Variants in TBL1XR1 observed in about 807,000 individuals in gnomAD.
TBL1XR1 encodes TBL1X/Y related 1, also known as F-box-like/WD repeat-containing protein TBL1XR1.
TBL1XR1 carries 5 observed loss-of-function variants against 66.9 expected under a neutral mutation model. That is an observed-to-expected ratio of 0.07 (90% CI 0.04 to 0.16). TBL1XR1 has a LOEUF of 0.16. Ranked by LOEUF, TBL1XR1 falls within the 10% of genes least tolerant of loss-of-function variation. TBL1XR1 has a pLI of 1.00. For missense variants in TBL1XR1, 238 were observed against 623.2 expected, an observed-to-expected ratio of 0.38 and a Z score of 6.58; for synonymous variants, 210 against 206.0, an observed-to-expected ratio of 1.02 and a Z score of -0.17.
chr3:177,200,956 G>A (rs927580023), upstream of TBL1XR1, among the ~76,000 whole-genome samples: 1 of 151,890 alleles, frequency 6.6e-6, no homozygotes. Flanking sequence ...GCAGTGAGCC[G>A]AGATAGTGCC....
At chr3:177,182,435 A>T (rs1734938479) in intron 1 of TBL1XR1, among the ~76,000 whole-genome samples, 1 of 152,180 alleles carries the variant, frequency 6.6e-6, no homozygotes, top group South Asian at 2.1e-4. Context: ...TCTAAGGACA[A>T]TTAATTTGTG....
intron 1 of TBL1XR1, among the ~76,000 whole-genome samples, chr3:177,184,786 G>A (rs1393752651): frequency 1.4e-5 from 2 of 139,470 alleles, no homozygotes; most frequent in African/African-American, 2.6e-5. Flanking sequence ...ATGAGACAGA[G>A]CAAGACTGTG....
intron 1 of TBL1XR1, among the ~76,000 whole-genome samples, chr3:177,161,532 T>C (rs143102047): frequency 0.036 from 5,433 of 152,062 alleles, 341 homozygotes; most frequent in African/African-American, 0.12. Context: ...CCTGTAATCC[T>C]AGCACTTTGG....
chr3:177,074,494 CTTT>C (rs35776124), intron 2 of TBL1XR1, among the ~76,000 whole-genome samples: 1 of 152,148 alleles, frequency 6.6e-6, no homozygotes, highest in Admixed American at 6.5e-5. Flanking sequence ...CTAGATCAAC[CTTT>C]TTCTTACCAA....
chr3:177,112,107 A>ATATATTTTTTTTTTTT, intron 1 of TBL1XR1, among the ~76,000 whole-genome samples: 1 of 37,666 alleles, frequency 2.7e-5, no homozygotes, highest in Non-Finnish European at 4.5e-5. Context: ...ATATATATAT[A>ATATATTTTTTTTTTTT]TTTTTTTTTT....
chr3:177,106,205 A>C (rs1724865471), intron 1 of TBL1XR1, among the ~76,000 whole-genome samples: 1 of 152,222 alleles, frequency 6.6e-6, no homozygotes, highest in Non-Finnish European at 1.5e-5. Flanking sequence ...AGCCTCAGCT[A>C]TGTGTGACAA....
chr3:177,134,623 G>T (rs1385736318), intron 1 of TBL1XR1, among the ~76,000 whole-genome samples: 1 of 152,082 alleles, frequency 6.6e-6, no homozygotes, highest in African/African-American at 2.4e-5. Flanking sequence ...TTTCCTTAAA[G>T]AAATACCCCA....
At chr3:177,117,792 T>C (rs1332339986) in intron 1 of TBL1XR1, among the ~76,000 whole-genome samples, 2 of 152,086 alleles carry the variant, frequency 1.3e-5, no homozygotes, top group Non-Finnish European at 2.9e-5. Context: ...TTGGGAGAAA[T>C]ATAAAGTAAA....
chr3:177,033,240 T>C (rs1465290137), intron 13 of TBL1XR1, 104 bp from the exon 14 acceptor site: 3 of 976,504 alleles, frequency 3.1e-6, no homozygotes, highest in Admixed American at 3.0e-5. Flanking sequence ...TAGCCAAAAT[T>C]CTTTATGAGA....
At chr3:177,081,752 A>G (rs1272202862) in intron 2 of TBL1XR1, among the ~76,000 whole-genome samples, 2 of 151,956 alleles carry the variant, frequency 1.3e-5, no homozygotes, top group African/African-American at 2.4e-5. Flanking sequence ...TCAAAAAAAA[A>G]AAAAAAAAGA....
At chr3:177,111,520 G>C (rs1245610588) in intron 1 of TBL1XR1, among the ~76,000 whole-genome samples, 2 of 152,038 alleles carry the variant, frequency 1.3e-5, no homozygotes, top group Non-Finnish European at 2.9e-5. Context: ...GGCTGGTCTT[G>C]AACTCCTGAC....
chr3:177,037,897 T>C, intron 12 of TBL1XR1: 1 of 521,400 alleles, frequency 1.9e-6, no homozygotes. Flanking sequence ...TAATATAATT[T>C]GCTACATTCA....
chr3:177,138,772 A>C (rs1396615463), intron 1 of TBL1XR1, among the ~76,000 whole-genome samples: 1 of 151,932 alleles, frequency 6.6e-6, no homozygotes, highest in Non-Finnish European at 1.5e-5. Context: ...GGAAAGAGGA[A>C]GGGATCTCTC....
chr3:177,084,657 T>C (rs1468841553), intron 2 of TBL1XR1, among the ~76,000 whole-genome samples: 1 of 152,274 alleles, frequency 6.6e-6, no homozygotes, highest in African/African-American at 2.4e-5. Context: ...GGGTATCTTC[T>C]TCCTGGATTT....
chr3:177,124,335 G>C lies in TBL1XR1; in HGVS notation c.-121-25794C>G, dbSNP rs187486731. Among the ~76,000 whole-genome samples the C allele has an allele frequency of 2.8e-3, 429 of 152,156 alleles. 3 individuals carry two copies. Among genetic ancestry groups the C allele is most frequent in the Non-Finnish European group, 5.2e-3 (353 of 67,938 alleles). ...GACTAACTAGAAATCCCAGAACTCT[G>C]TCAACAACCTTTGTTTTCAATGCAG... is the stretch of plus-strand genomic sequence containing the variant. On this transcript the variant is annotated intron_variant, in intron 1 of 15. Transcript: ENST00000457928.
At position 177,046,141 on chromosome 3, in the gene TBL1XR1, G is replaced by C; in HGVS notation, c.913C>G (p.Pro305Ala). ...AHTGEAKQQF[P>A]FHSAPALDVD... ...ATAAGAAATTTACCTGAATGAAAAG[G>C]AAACTGTTGCTTGGCTTCACCAGTA... is the stretch of plus-strand genomic sequence containing the variant. Residue 305 changes from proline to alanine, a missense_variant, in exon 10 of 16, where the codon CCT becomes GCT. This residue lies in a region of TBL1XR1 where 89 missense variants were observed against 220.2 expected (regional missense o/e 0.40). Transcript: ENST00000457928. 6.5e-7 allele frequency: 1 copy of C among 1,538,440 alleles called. No individual in the cohort carries two copies. The highest frequency in any genetic ancestry group is 8.7e-7 in the Non-Finnish European group (1 of 1,143,688).
intron 1 of TBL1XR1, among the ~76,000 whole-genome samples, chr3:177,145,915 C>T (rs1044248280): frequency 1.3e-5 from 2 of 152,206 alleles, no homozygotes; most frequent in Non-Finnish European, 2.9e-5. Context: ...ATCAGGAAGT[C>T]TGATGGAGAT....
chr3:177,194,216 T>C (rs1304503020), intron 1 of TBL1XR1: 4 of 152,346 alleles, frequency 2.6e-5, no homozygotes, highest in Admixed American at 1.3e-4. Flanking sequence ...AATTCTTTAC[T>C]ACACAGCTCT....
intron 1 of TBL1XR1, among the ~76,000 whole-genome samples, chr3:177,191,127 G>A (rs1185278110): frequency 6.6e-6 from 1 of 152,170 alleles, no homozygotes; most frequent in Non-Finnish European, 1.5e-5. Flanking sequence ...TCCCAACTAA[G>A]AGTGAGAAAT....
Sources: gnomAD v4.1 joint callset for allele counts (sites outside exome capture counted in the v4.1 genomes callset) on GRCh38, gnomAD v4.1.1 for gene constraint, gnomAD v4.1.1 regional missense constraint, MANE v1.5 for transcripts, NCBI Gene and HGNC (gene_info 2026-07-23, HGNC 2026-07-21) for gene names.